The following DOCK10 variants were observed in gnomAD, a reference collection of about 807,000 sequenced individuals.
DOCK10 encodes dedicator of cytokinesis 10.
A neutral mutation model predicts 280.1 loss-of-function variants in DOCK10; 145 were observed. The observed-to-expected ratio is 0.52, with a 90% CI of 0.45 to 0.59. The LOEUF (loss-of-function observed/expected upper bound fraction) is 0.59, where lower values mean the gene tolerates loss of function less well. DOCK10 is among the 20% of genes least tolerant of loss of function. The probability of loss-of-function intolerance (pLI) is 0.00; values close to 1 mark genes in which losing one functional copy is unlikely to be tolerated. For synonymous variants in DOCK10, 915 were observed against 942.2 expected (o/e 0.97, Z 0.53); for missense variants, 2,368 against 2,651.7 (o/e 0.89, Z 2.35).
At chr2:224,789,784 CTTTT>C (rs10605253) in intron 47 of DOCK10, among the ~76,000 whole-genome samples, 1 of 147,454 alleles carries the variant, frequency 6.8e-6, no homozygotes, top group African/African-American at 2.5e-5. Context: ...CCAATACTTG[CTTTT>C]TTTTTTTTTG....
intron 4 of DOCK10, among the ~76,000 whole-genome samples, chr2:224,889,288 G>A (rs1270362568): frequency 1.3e-5 from 2 of 152,184 alleles, no homozygotes; most frequent in Admixed American, 1.3e-4. Context: ...TTAAGTGAGG[G>A]CTTCAAAATA....
At chr2:224,897,738 G>T (rs907696943) in intron 3 of DOCK10, among the ~76,000 whole-genome samples, 1 of 152,150 alleles carries the variant, frequency 6.6e-6, no homozygotes, top group Non-Finnish European at 1.5e-5. Context: ...TAACTGATAA[G>T]CAAAAATGAT....
chr2:225,002,024 G>A (rs115902234), intron 1 of DOCK10, among the ~76,000 whole-genome samples: 34 of 152,340 alleles, frequency 2.2e-4, no homozygotes, highest in African/African-American at 7.2e-4. Flanking sequence ...ATAGCCAAGA[G>A]AGAGGGAGCG....
intron 1 of DOCK10, among the ~76,000 whole-genome samples, chr2:224,986,319 T>C (rs1365738484): frequency 6.6e-6 from 1 of 152,196 alleles, no homozygotes; most frequent in Non-Finnish European, 1.5e-5. Flanking sequence ...TCCCTGATGC[T>C]ATGCAGCTTG....
intron 1 of DOCK10, among the ~76,000 whole-genome samples, chr2:224,971,872 A>G (rs887512079): frequency 3.3e-5 from 5 of 152,214 alleles, no homozygotes; most frequent in Non-Finnish European, 5.9e-5. Context: ...GAAAAAAACT[A>G]TGAAGTATTG....
chr2:224,892,467 AGAG>A (rs572340837), intron 4 of DOCK10, among the ~76,000 whole-genome samples: 1,933 of 152,082 alleles, frequency 0.013, 20 homozygotes, highest in Non-Finnish European at 0.02. Flanking sequence ...AAGAGGAGAA[AGAG>A]GAGAAGAGCG....
chr2:224,846,914 C>A (rs1696396891), intron 19 of DOCK10, among the ~76,000 whole-genome samples: 1 of 152,122 alleles, frequency 6.6e-6, no homozygotes, highest in African/African-American at 2.4e-5. Context: ...TTGCAATCTG[C>A]CCTTTCACAG....
intron 1 of DOCK10, among the ~76,000 whole-genome samples, chr2:224,999,712 G>T (rs964348194): frequency 9.8e-5 from 14 of 142,722 alleles, no homozygotes; most frequent in East Asian, 4.1e-4. Context: ...CTATAATGGT[G>T]TTTTTTTTTT....
At chr2:224,842,026 G>A (rs970461159) in intron 22 of DOCK10, 130 bp from the exon 23 acceptor site, 1 of 669,694 alleles carries the variant, frequency 1.5e-6, no homozygotes. Flanking sequence ...TTATTAAGGA[G>A]TCAGAGGAAC....
intron 1 of DOCK10, among the ~76,000 whole-genome samples, chr2:224,934,496 G>A (rs1303291845): frequency 6.6e-6 from 1 of 152,216 alleles, no homozygotes; most frequent in Non-Finnish European, 1.5e-5. Flanking sequence ...ATAGTGTCTA[G>A]AGCCTGGGAT....
chr2:224,789,735 A>G (rs778811877), intron 47 of DOCK10, among the ~76,000 whole-genome samples: 1 of 151,488 alleles, frequency 6.6e-6, no homozygotes, highest in Non-Finnish European at 1.5e-5. Flanking sequence ...GTGAGACCCT[A>G]TCTCTCCCAC....
chr2:224,911,397 C>T (rs2125914247), intron 3 of DOCK10, among the ~76,000 whole-genome samples: 1 of 152,306 alleles, frequency 6.6e-6, no homozygotes, highest in Admixed American at 6.5e-5. Flanking sequence ...ACAAGCAAAA[C>T]TGAAGGCCTC....
In DOCK10 at chr2:224,805,201, T is replaced by C. The variant is rs763128104; in HGVS notation, c.4051+5A>G. ...TTTTCAAAAAAATTAAAGAATTCTCTTTACCGTACGAAATCGTTTTCATAA... is the reference window on the plus strand; with the variant it reads ...TTTTCAAAAAAATTAAAGAATTCTCCTTACCGTACGAAATCGTTTTCATAA... On this transcript the variant is annotated splice_donor_5th_base_variant and intron_variant, in intron 36 of 55. Coordinates refer to ENST00000258390, the MANE Select transcript of DOCK10 (RefSeq NM_014689.3). The surrounding 1 kb of genome is among the most constrained non-coding windows in gnomAD (Gnocchi z 4.3). 17 of 1,607,456 alleles carry C rather than the reference T, an allele frequency of 1.1e-5. No homozygotes were observed. Among genetic ancestry groups the C allele is most frequent in the Non-Finnish European group, 1.3e-5 (15 of 1,177,696 alleles).
intron 1 of DOCK10, among the ~76,000 whole-genome samples, chr2:225,007,831 T>C (rs1356172125): frequency 1.3e-5 from 2 of 152,198 alleles, no homozygotes; most frequent in African/African-American, 4.8e-5. Flanking sequence ...AAGATAAGAC[T>C]ACAACAGGCT....
intron 1 of DOCK10, among the ~76,000 whole-genome samples, chr2:225,031,807 A>G (rs441098): frequency 0.74 from 111,743 of 152,016 alleles, 42,110 homozygotes; most frequent in Middle Eastern, 0.87. Flanking sequence ...TCTCTTCAGG[A>G]TAAGAAAGAA....
At chr2:225,000,211 C>CAA (rs1266551849) in intron 1 of DOCK10, among the ~76,000 whole-genome samples, 5 of 113,014 alleles carry the variant, frequency 4.4e-5, no homozygotes, top group Non-Finnish European at 8.5e-5. Flanking sequence ...CACAGACACA[C>CAA]ACACACACAC....
intron 1 of DOCK10, among the ~76,000 whole-genome samples, chr2:225,000,133 C>T (rs532925149): frequency 2.6e-5 from 4 of 152,142 alleles, no homozygotes; most frequent in Non-Finnish European, 5.9e-5. Flanking sequence ...GATGAGTCTT[C>T]CGAAGCCACA....
chr2:224,863,622 T>C (rs1697677175), intron 13 of DOCK10, among the ~76,000 whole-genome samples: 1 of 152,020 alleles, frequency 6.6e-6, no homozygotes, highest in Admixed American at 6.5e-5. Flanking sequence ...CTGGCTAATT[T>C]TTTGTATTTT....
chr2:224,887,657 T>C (rs1166284504), intron 4 of DOCK10, among the ~76,000 whole-genome samples: 1 of 152,224 alleles, frequency 6.6e-6, no homozygotes, highest in Non-Finnish European at 1.5e-5. Flanking sequence ...TGTTTTTCTT[T>C]TTTAAAGTAA....
Sources: gnomAD v4.1 joint callset for allele counts (sites outside exome capture counted in the v4.1 genomes callset) on GRCh38, gnomAD v4.1.1 for gene constraint, Gnocchi (gnomAD v3.1) non-coding constraint, MANE v1.5 for transcripts, NCBI Gene and HGNC (gene_info 2026-07-23, HGNC 2026-07-21) for gene names.